NEBL: variants seen among roughly 807,000 people sequenced by gnomAD.
NEBL encodes the protein nebulette, also known as LIM and SH3 protein 2.
A neutral mutation model predicts 140.2 loss-of-function variants in NEBL; 122 were observed. The ratio of observed to expected loss-of-function variants is 0.87; its 90% CI spans 0.75 to 1.01. The LOEUF (loss-of-function observed/expected upper bound fraction) is 1.01. Ranked by LOEUF, NEBL falls within the 50% of genes least tolerant of loss-of-function variation. The pLI is 0.00. For synonymous variants in NEBL, 436 were observed against 398.9 expected (o/e 1.09, Z -1.11); for missense variants, 1,365 against 1,231.3 (o/e 1.11, Z -1.62).
chr10:20,888,547 A>T (rs1201373174), intron 3 of NEBL, among the ~76,000 whole-genome samples: 1 of 152,240 alleles, frequency 6.6e-6, no homozygotes. Flanking sequence ...CAGAAAATGC[A>T]AGTCGTTAGA....
At chr10:20,900,077 C>A (rs80318930), upstream of NEBL, among the ~76,000 whole-genome samples, 1 of 152,184 alleles carries the variant, frequency 6.6e-6, no homozygotes, top group Admixed American at 6.5e-5. Flanking sequence ...CCCCTATCGA[C>A]TTTTCCAAAA....
intron 12 of NEBL, among the ~76,000 whole-genome samples, chr10:20,842,863 C>A (rs534455223): frequency 6.6e-6 from 1 of 152,012 alleles, no homozygotes. Flanking sequence ...TATCACCTTG[C>A]CATTCCTCCC....
intron 3 of NEBL, among the ~76,000 whole-genome samples, chr10:20,963,335 T>C (rs1836146493): frequency 6.6e-6 from 1 of 152,048 alleles, no homozygotes; most frequent in Non-Finnish European, 1.5e-5. Context: ...CTCAGAGTAG[T>C]AAAATAATAA....
chr10:20,931,529 G>A (rs1834182727), intron 4 of NEBL, among the ~76,000 whole-genome samples: 1 of 152,154 alleles, frequency 6.6e-6, no homozygotes, highest in Non-Finnish European at 1.5e-5. Context: ...GATCATCAAG[G>A]AATGAGGACT....
At chr10:21,217,036 A>G (rs1170340313) in intron 3 of NEBL, among the ~76,000 whole-genome samples, 2 of 152,032 alleles carry the variant, frequency 1.3e-5, no homozygotes, top group Non-Finnish European at 2.9e-5. Context: ...AACTACTACC[A>G]TAGGAACACA....
At chr10:21,107,906 T>A (rs536103998) in intron 2 of NEBL, among the ~76,000 whole-genome samples, 1 of 152,232 alleles carries the variant, frequency 6.6e-6, no homozygotes, top group Non-Finnish European at 1.5e-5. Flanking sequence ...GGAGGGTGTA[T>A]GTGTCCAGGA....
chr10:21,034,943 CTTATTTATTTATTTATTTATTTAT>C (rs199827432), intron 2 of NEBL, among the ~76,000 whole-genome samples: 8 of 142,234 alleles, frequency 5.6e-5, no homozygotes, highest in Admixed American at 5.0e-4. Flanking sequence ...GCTATTTATT[CTTATTTATTTATTTATTTATTTAT>C]TTATTTATTT....
chr10:21,182,436 A>G (rs1841403170), intron 3 of NEBL, among the ~76,000 whole-genome samples: 1 of 152,242 alleles, frequency 6.6e-6, no homozygotes, highest in African/African-American at 2.4e-5. Flanking sequence ...TTATCGTGCC[A>G]CTGCACTCCA....
intron 3 of NEBL, among the ~76,000 whole-genome samples, chr10:21,243,529 A>G (rs1276858143): frequency 6.6e-6 from 1 of 151,444 alleles, no homozygotes; most frequent in East Asian, 1.9e-4. Flanking sequence ...GTGGTCTCAT[A>G]CTCCTGGCCT....
At chr10:21,043,207 G>C (rs2131835317) in intron 2 of NEBL, among the ~76,000 whole-genome samples, 1 of 152,186 alleles carries the variant, frequency 6.6e-6, no homozygotes, top group Middle Eastern at 3.4e-3. Context: ...CTATCTCATA[G>C]TACAATGCTT....
At chr10:20,844,514 A>T (rs887182256) in intron 12 of NEBL, among the ~76,000 whole-genome samples, 5 of 100,040 alleles carry the variant, frequency 5.0e-5, no homozygotes, top group Admixed American at 3.5e-4. Flanking sequence ...TAAAAAACAT[A>T]AAAAAAAAAA....
intron 4 of NEBL, among the ~76,000 whole-genome samples, chr10:20,912,417 C>A (rs1293496889): frequency 6.6e-6 from 1 of 152,196 alleles, no homozygotes; most frequent in African/African-American, 2.4e-5. Context: ...TGCCACTGCA[C>A]TCCAGCCTGG....
Position 21,187,458 on chromosome 10 carries a change from C to T in NEBL, n.349-14981G>A, listed in dbSNP as rs193020200. Among the ~76,000 whole-genome samples the T allele has an allele frequency of 4.7e-3, 707 of 151,864 alleles. 4 individuals carry two copies. The highest frequency in any genetic ancestry group is 0.01 in the Middle Eastern group (3 of 286). Reference sequence around the variant, plus strand: ...CTGGTAAAATAATTTCTTTTGAGGGCAAATCTTGGCTTTTTGAATTTATTA... The same window carrying T: ...CTGGTAAAATAATTTCTTTTGAGGGTAAATCTTGGCTTTTTGAATTTATTA... On this transcript the variant is annotated intron_variant and non_coding_transcript_variant, in intron 3 of 8. Transcript: ENST00000675702.
rs542769485 is a variant in NEBL, at chr10:21,118,931, C to T, written c.164+53452G>A. Among the ~76,000 whole-genome samples the T allele has an allele frequency of 1.2e-4, 18 of 152,240 alleles. No homozygotes were observed. In the East Asian group the frequency reaches 3.1e-3, roughly 26 times the overall value. ...AGAAGCTTAGAGACATTACTTTCAC[C>T]GCTTACAGGGCACATTCATACACAT... is the stretch of plus-strand genomic sequence containing the variant. On this transcript the variant is annotated intron_variant, in intron 2 of 6. Coordinates refer to the NEBL transcript ENST00000417816.
At chr10:20,819,340 G>A (rs1839045251) in intron 20 of NEBL, 84 bp downstream of exon 20, 2 of 1,600,994 alleles carry the variant, frequency 1.2e-6, no homozygotes. Context: ...AGTTTGCTAA[G>A]GATAATGGCC....
chr10:20,852,700 G>A, intron 9 of NEBL, 51 bp from the exon 10 acceptor site: 2 of 1,386,426 alleles, frequency 1.4e-6, no homozygotes, highest in Non-Finnish European at 2.0e-6. Flanking sequence ...ACTGATTAGA[G>A]CAATAAATAC....
chr10:20,876,952 T>A (rs1241899768), intron 5 of NEBL, among the ~76,000 whole-genome samples: 1 of 152,224 alleles, frequency 6.6e-6, no homozygotes, highest in Admixed American at 6.5e-5. Flanking sequence ...TTTTTAATCA[T>A]TTTCTGATTA....
intron 4 of NEBL, among the ~76,000 whole-genome samples, chr10:20,926,536 G>A (rs567954304): frequency 2.0e-5 from 3 of 152,278 alleles, no homozygotes; most frequent in South Asian, 4.1e-4. Flanking sequence ...TATCAAGTAT[G>A]AGATATCGTA....
chr10:21,097,192 C>G (rs1352424154), intron 2 of NEBL, among the ~76,000 whole-genome samples: 1 of 130,774 alleles, frequency 7.6e-6, no homozygotes, highest in Non-Finnish European at 1.6e-5. Flanking sequence ...GTGGCTCACG[C>G]CTGTAATCCC....
Sources: allele counts gnomAD v4.1 joint callset (sites outside exome capture counted in the v4.1 genomes callset), GRCh38; gene constraint gnomAD v4.1.1; transcripts MANE v1.5; gene names NCBI Gene and HGNC (gene_info 2026-07-23, HGNC 2026-07-21).